ADAMTSL1: variants seen among roughly 807,000 people sequenced by gnomAD.
The protein encoded by ADAMTSL1 is ADAMTS like 1, also known as ADAMTS-like protein 1.
In ADAMTSL1, 126 loss-of-function variants were observed where a neutral mutation model predicts 201.8. The ratio of observed to expected loss-of-function variants is 0.62; its 90% confidence interval spans 0.54 to 0.72. ADAMTSL1 has a LOEUF of 0.72. ADAMTSL1 is among the 30% of genes least tolerant of loss of function. ADAMTSL1 has a pLI of 0.00. For missense variants in ADAMTSL1, 2,679 were observed against 2,277.8 expected (o/e 1.18, Z -3.59); for synonymous variants, 1,121 against 903.4 (o/e 1.24, Z -4.32).
intron 11 of ADAMTSL1, 143 bp from the exon 12 acceptor site, chr9:18,681,669 T>C (rs1289177486): frequency 1.8e-6 from 1 of 557,650 alleles, no homozygotes; most frequent in Non-Finnish European, 2.9e-6. Flanking sequence ...TGGTAAGAAG[T>C]GGTATAAATT....
intron 2 of ADAMTSL1, among the ~76,000 whole-genome samples, chr9:18,168,646 T>G (rs1169268208): frequency 2.7e-5 from 4 of 150,044 alleles, no homozygotes; most frequent in Admixed American, 6.7e-5. Context: ...TACCCAGTAA[T>G]GGGATGGCTG....
intron 19 of ADAMTSL1, among the ~76,000 whole-genome samples, chr9:18,784,790 G>T (rs1176236785): frequency 6.6e-6 from 1 of 152,160 alleles, no homozygotes; most frequent in Non-Finnish European, 1.5e-5. Flanking sequence ...ACCCTTTGAA[G>T]TTACTATCCC....
intron 2 of ADAMTSL1, among the ~76,000 whole-genome samples, chr9:18,507,777 G>A (rs1361201684): frequency 6.6e-6 from 1 of 152,128 alleles, no homozygotes; most frequent in Non-Finnish European, 1.5e-5. Context: ...CATTTCAAAA[G>A]GGTCTGACAG....
At chr9:18,687,522 G>A (rs1830908893) in intron 13 of ADAMTSL1, among the ~76,000 whole-genome samples, 1 of 152,164 alleles carries the variant, frequency 6.6e-6, no homozygotes, top group African/African-American at 2.4e-5. Flanking sequence ...TCTTGCTTTG[G>A]CTCCAGCTAA....
At chr9:18,318,382 C>T (rs918385815) in intron 2 of ADAMTSL1, among the ~76,000 whole-genome samples, 3 of 152,128 alleles carry the variant, frequency 2.0e-5, no homozygotes, top group Admixed American at 6.5e-5. Context: ...TACCTGGAAA[C>T]TTGTTAGAAA....
At chr9:18,838,355 C>T in intron 23 of ADAMTSL1, among the ~76,000 whole-genome samples, 2 of 110,722 alleles carry the variant, frequency 1.8e-5, no homozygotes, top group African/African-American at 3.9e-5. Context: ...ACAGCCAAAC[C>T]ATATTACACA....
At position 18,777,452 on chromosome 9, in the gene ADAMTSL1, C is replaced by T; in HGVS notation, c.3223C>T (p.Gln1075Ter). 4 of 1,595,890 alleles carry T rather than the reference C, an allele frequency of 2.5e-6. No homozygotes were observed. The highest frequency in any genetic ancestry group is 3.4e-6 in the Non-Finnish European group (4 of 1,171,630). The change falls in exon 19 of 29, where the codon CAG becomes TAG. Residue 1075 changes from glutamine (Q) to a stop codon, truncating the protein, a stop_gained. Transcript: ENST00000380548. LOFTEE classifies it high-confidence loss of function. ...LHLPFTMVTE[Q>*]RRLDDILGNL... ...CCTGCCCTTCACCATGGTGACCGAGCAGCGGCGCCTGGACGACATCCTGGG... is the reference window on the plus strand; with the variant it reads ...CCTGCCCTTCACCATGGTGACCGAGTAGCGGCGCCTGGACGACATCCTGGG...
chr9:18,064,342 A>G (rs1822597441), intron 1 of ADAMTSL1, among the ~76,000 whole-genome samples: 2 of 152,170 alleles, frequency 1.3e-5, no homozygotes, highest in Admixed American at 1.3e-4. Flanking sequence ...TCCAACTGTA[A>G]ATTCGTGGTA....
At chr9:18,681,771 C>G (rs751908692) in intron 11 of ADAMTSL1, 41 bp from the exon 12 acceptor site, 1 of 1,444,854 alleles carries the variant, frequency 6.9e-7, no homozygotes, top group African/African-American at 1.5e-5. Flanking sequence ...GTAAACAAGG[C>G]TTTGCCTACG....
At chr9:18,031,557 C>A (rs1363136267) in intron 1 of ADAMTSL1, among the ~76,000 whole-genome samples, 2 of 152,136 alleles carry the variant, frequency 1.3e-5, no homozygotes, top group Non-Finnish European at 2.9e-5. Context: ...AGCAGATGGT[C>A]TCTTACATAC....
At chr9:18,571,990 C>T (rs1404091021) in intron 3 of ADAMTSL1, among the ~76,000 whole-genome samples, 3 of 152,024 alleles carry the variant, frequency 2.0e-5, no homozygotes, top group Admixed American at 1.3e-4. Context: ...GTCAGGAGTT[C>T]GAGACCAGCC....
chr9:18,706,755 C>T lies in ADAMTSL1; in HGVS notation c.1583C>T (p.Pro528Leu). The part of the protein sequence containing the change: ...AAVSEEPSFI[P>L]EAWSACTVTC... ...TTGCTTGCCGACTGCAGGTTCATCCCAGAGGCCTGGTCGGCCTGCACAGTC... is the reference window on the plus strand; with the variant it reads ...TTGCTTGCCGACTGCAGGTTCATCCTAGAGGCCTGGTCGGCCTGCACAGTC... Residue 528 changes from proline (P) to leucine (L), a missense_variant, in exon 14 of 29, where the codon CCA becomes CTA. Pro to Leu is a moderately conservative substitution (Grantham distance 98, BLOSUM62 -3). Coordinates refer to ENST00000380548, the MANE Select transcript of ADAMTSL1 (RefSeq NM_001040272.6). 1 of 1,601,528 alleles carries T rather than the reference C, an allele frequency of 6.2e-7. No homozygotes were observed. Among genetic ancestry groups the T allele is most frequent in the African/African-American group, 1.3e-5 (1 of 74,800 alleles).
At chr9:18,344,976 A>G (rs1835636025) in intron 2 of ADAMTSL1, among the ~76,000 whole-genome samples, 1 of 152,138 alleles carries the variant, frequency 6.6e-6, no homozygotes, top group African/African-American at 2.4e-5. Flanking sequence ...ATATCCCTCC[A>G]CTAAGCTCAA....
chr9:18,710,956 T>A lies in ADAMTSL1; in HGVS notation c.1876+3908T>A, dbSNP rs1311554602. Among the ~76,000 whole-genome samples, 2 of 152,106 alleles carry A rather than the reference T, an allele frequency of 1.3e-5. 1 individual carries two copies. Among genetic ancestry groups the A allele is most frequent in the African/African-American group, 4.8e-5 (2 of 41,428 alleles). On this transcript the variant is annotated intron_variant, in intron 14 of 28. Transcript: ENST00000380548. ...CACAGTACTCGTCCACCATTTAAAA[T>A]CTCAACCAAAACGTTACACATATGA...
intron 14 of ADAMTSL1, among the ~76,000 whole-genome samples, chr9:18,711,918 T>A (rs1832634160): frequency 1.4e-5 from 2 of 147,230 alleles, no homozygotes; most frequent in African/African-American, 4.9e-5. Context: ...GCAGACTGCC[T>A]CCTCAAGTGG....
intron 1 of ADAMTSL1, among the ~76,000 whole-genome samples, chr9:18,504,241 G>A (rs1823000857): frequency 6.6e-6 from 1 of 152,072 alleles, no homozygotes; most frequent in Admixed American, 6.5e-5. Flanking sequence ...TACAGTATAT[G>A]GAAATTTTCC....
In ADAMTSL1 at chr9:18,894,796, A is replaced by G. The variant is rs376168450; in HGVS notation, c.4851+2200A>G. On this transcript the variant is annotated intron_variant, in intron 26 of 28. Coordinates refer to ENST00000380548, the MANE Select transcript of ADAMTSL1 (RefSeq NM_001040272.6). ...AGTATACAAGTGGTGGCTAAGAATC[A>G]TAGATGGTATCACCCAGAGAGAGGG... 6.8e-4 allele frequency among the ~76,000 whole-genome samples: 104 copies of G among 152,342 alleles called. 1 individual carries two copies. Among genetic ancestry groups the G allele is most frequent in the African/African-American group, 2.5e-3 (102 of 41,590 alleles).
intron 2 of ADAMTSL1, among the ~76,000 whole-genome samples, chr9:18,203,086 G>A (rs1369321435): frequency 1.3e-5 from 2 of 152,098 alleles, no homozygotes; most frequent in Non-Finnish European, 2.9e-5. Flanking sequence ...TTATACCCAA[G>A]TTCAGACTTT....
chr9:18,332,309 G>T lies in ADAMTSL1; in HGVS notation c.207+168328G>T, dbSNP rs531678136. ...AAGTTTTTATAATTTTATATTTAGG[G>T]ATGGGTATGTTAATTATAAGTAAAA... On this transcript the variant is annotated intron_variant, in intron 2 of 29. Transcript: ENST00000680146. 2.0e-5 allele frequency among the ~76,000 whole-genome samples: 3 copies of T among 152,128 alleles called. No individual in the cohort carries two copies. In the East Asian group the frequency reaches 5.8e-4, roughly 29 times the overall value.
Sources: allele counts gnomAD v4.1 joint callset (sites outside exome capture counted in the v4.1 genomes callset), GRCh38; gene constraint gnomAD v4.1.1; transcripts MANE v1.5; gene names NCBI Gene and HGNC (gene_info 2026-07-23, HGNC 2026-07-21).